The following BBX variants were observed in gnomAD, a reference collection of about 807,000 sequenced individuals.
BBX encodes the protein BBX high mobility group box domain containing.
Under a neutral mutation model 100.2 loss-of-function variants are expected in BBX, and 30 were observed. The ratio of observed to expected loss-of-function variants is 0.30; its 90% CI spans 0.22 to 0.41. BBX has a LOEUF of 0.41. Among genes scored for constraint, BBX ranks in the 10% least tolerant of loss-of-function variants. The pLI is 1.00. For missense variants in BBX, 1,023 were observed against 1,129.8 expected (o/e 0.91, Z 1.35); for synonymous variants, 376 against 388.1 (o/e 0.97, Z 0.37).
intron 2 of BBX, among the ~76,000 whole-genome samples, chr3:107,534,908 AG>A (rs2048389406): frequency 6.6e-6 from 1 of 152,230 alleles, no homozygotes; most frequent in Admixed American, 6.5e-5. Flanking sequence ...AGTTTTTAGA[AG>A]TTTCCCAAAG....
intron 2 of BBX, among the ~76,000 whole-genome samples, chr3:107,591,335 C>T (rs1463236985): frequency 6.6e-6 from 1 of 151,954 alleles, no homozygotes; most frequent in Non-Finnish European, 1.5e-5. Context: ...CAAAACTTAC[C>T]TAAGAGTAAA....
intron 2 of BBX, among the ~76,000 whole-genome samples, chr3:107,640,532 C>T (rs1461173748): frequency 6.6e-6 from 1 of 152,070 alleles, no homozygotes; most frequent in African/African-American, 2.4e-5. Context: ...TAAAAAATTC[C>T]TTTCCTTACC....
At chr3:107,609,396 T>C (rs1256802195) in intron 2 of BBX, among the ~76,000 whole-genome samples, 2 of 152,124 alleles carry the variant, frequency 1.3e-5, no homozygotes, top group Non-Finnish European at 2.9e-5. Context: ...AATACTGGCC[T>C]TGAAGAATGA....
chr3:107,635,696 T>C (rs2056806921), intron 2 of BBX, among the ~76,000 whole-genome samples: 1 of 151,840 alleles, frequency 6.6e-6, no homozygotes, highest in African/African-American at 2.4e-5. Context: ...GAAGTATATA[T>C]GTGGTTCAGT....
intron 2 of BBX, among the ~76,000 whole-genome samples, chr3:107,630,567 C>G (rs1003240377): frequency 2.0e-5 from 3 of 152,138 alleles, no homozygotes; most frequent in Non-Finnish European, 4.4e-5. Flanking sequence ...CCTGCCAAAG[C>G]AATGAGCTTA....
At chr3:107,792,411 G>GA (rs1442292721) in intron 15 of BBX, among the ~76,000 whole-genome samples, 2 of 151,782 alleles carry the variant, frequency 1.3e-5, no homozygotes, top group South Asian at 2.1e-4. Context: ...CTGAAAATGA[G>GA]AAAAAAAATG....
At chr3:107,785,179 GAA>G (rs201420142) in intron 13 of BBX, among the ~76,000 whole-genome samples, 1 of 128,648 alleles carries the variant, frequency 7.8e-6, no homozygotes, top group Non-Finnish European at 1.7e-5. Context: ...GTATCTGGGG[GAA>G]AAAAAAAAAA....
chr3:107,673,233 TAGAGAAAA>T (rs2059114535), intron 3 of BBX, among the ~76,000 whole-genome samples: 1 of 152,042 alleles, frequency 6.6e-6, no homozygotes, highest in Admixed American at 6.6e-5. Flanking sequence ...GAACAAGAGT[TAGAGAAAA>T]CGTTCCTTGT....
At chr3:107,657,162 T>C (rs2107837141) in intron 3 of BBX, 1 of 152,322 alleles carries the variant, frequency 6.6e-6, no homozygotes, top group South Asian at 2.1e-4. Flanking sequence ...GGGGCTTTAC[T>C]ATTATCCTAG....
chr3:107,778,589 C>T, intron 13 of BBX, 70 bp downstream of exon 13: 5 of 1,523,166 alleles, frequency 3.3e-6, no homozygotes, highest in Non-Finnish European at 3.6e-6. Flanking sequence ...AAGCTTTTAG[C>T]TCCCTTTAGA....
intron 2 of BBX, among the ~76,000 whole-genome samples, chr3:107,571,849 GT>G (rs529762429): frequency 6.9e-4 from 105 of 152,334 alleles, no homozygotes; most frequent in Middle Eastern, 3.4e-3. Context: ...AATCTGCTCA[GT>G]GTTTGGTTCC....
chr3:107,610,708 C>T (rs971246024), intron 2 of BBX, among the ~76,000 whole-genome samples: 1 of 151,742 alleles, frequency 6.6e-6, no homozygotes, highest in Non-Finnish European at 1.5e-5. Flanking sequence ...TTGTCTTTCC[C>T]CACCCCCCTG....
chr3:107,805,346 CT>C, intron 17 of BBX, 23 bp from the exon 18 acceptor site: 4 of 1,597,964 alleles, frequency 2.5e-6, no homozygotes, highest in Non-Finnish European at 3.4e-6. Flanking sequence ...GAATAAGTGA[CT>C]TTTTCTTCCT....
intron 2 of BBX, among the ~76,000 whole-genome samples, chr3:107,595,065 T>C (rs971079438): frequency 6.6e-6 from 1 of 152,222 alleles, no homozygotes; most frequent in Non-Finnish European, 1.5e-5. Context: ...CGGCAGAGTC[T>C]GTGTTTATCC....
intron 5 of BBX, among the ~76,000 whole-genome samples, chr3:107,718,614 A>G (rs2062291162): frequency 6.6e-6 from 1 of 152,050 alleles, no homozygotes; most frequent in Non-Finnish European, 1.5e-5. Context: ...TTTGGATAAC[A>G]TGCAGCCTGT....
chr3:107,564,200 C>G (rs963895857), intron 2 of BBX, among the ~76,000 whole-genome samples: 2 of 152,158 alleles, frequency 1.3e-5, no homozygotes, highest in Middle Eastern at 3.4e-3. Flanking sequence ...TATGTCTTGC[C>G]CATTTCACTA....
intron 2 of BBX, among the ~76,000 whole-genome samples, chr3:107,559,617 C>G (rs551942460): frequency 6.6e-6 from 1 of 152,126 alleles, no homozygotes; most frequent in Non-Finnish European, 1.5e-5. Context: ...AACTAAAACT[C>G]AGGGATGGAT....
intron 2 of BBX, among the ~76,000 whole-genome samples, chr3:107,605,040 A>G (rs920439521): frequency 5.8e-4 from 88 of 152,298 alleles, no homozygotes; most frequent in African/African-American, 2.0e-3. Context: ...TAATGTTTGT[A>G]TTCAGTACTC....
At chr3:107,625,077 C>G (rs1180470963) in intron 2 of BBX, among the ~76,000 whole-genome samples, 1 of 152,160 alleles carries the variant, frequency 6.6e-6, no homozygotes, top group Non-Finnish European at 1.5e-5. Context: ...AGTTGCTGGA[C>G]AACTTTGGAA....
Sources: allele counts gnomAD v4.1 joint callset (sites outside exome capture counted in the v4.1 genomes callset), GRCh38; gene constraint gnomAD v4.1.1; transcripts MANE v1.5; gene names NCBI Gene and HGNC (gene_info 2026-07-23, HGNC 2026-07-21).